MMP20: variants seen among roughly 807,000 people sequenced by gnomAD.
The protein encoded by MMP20 is matrix metallopeptidase 20, also known as matrix metalloproteinase-20.
Under a neutral mutation model 51.8 loss-of-function variants are expected in MMP20, and 50 were observed. The observed-to-expected ratio is 0.97, with a 90% confidence interval of 0.77 to 1.22. The LOEUF (loss-of-function observed/expected upper bound fraction) is 1.22. Among genes scored for constraint, MMP20 ranks in the 50% most tolerant of loss-of-function variants. The pLI is 0.00. For missense variants in MMP20, 663 were observed against 601.4 expected (o/e 1.10, Z -1.07); for synonymous variants, 244 against 216.2 (o/e 1.13, Z -1.13).
intron 2 of MMP20, among the ~76,000 whole-genome samples, chr11:102,612,179 T>C (rs1480838692): frequency 2.0e-5 from 3 of 152,152 alleles, no homozygotes; most frequent in Admixed American, 6.5e-5. Flanking sequence ...AGAATAAAAT[T>C]TGTGGCCGGG....
intron 6 of MMP20, among the ~76,000 whole-genome samples, chr11:102,598,084 A>T (rs1253424883): frequency 6.6e-6 from 1 of 152,208 alleles, no homozygotes; most frequent in Non-Finnish European, 1.5e-5. Flanking sequence ...ACAAATTTCA[A>T]AAAGAATCTG....
intron 8 of MMP20, among the ~76,000 whole-genome samples, chr11:102,588,246 C>T (rs1309387439): frequency 6.6e-6 from 1 of 151,938 alleles, no homozygotes; most frequent in African/African-American, 2.4e-5. Context: ...ATTTCTCTCC[C>T]CTTCCTTCTG....
intron 8 of MMP20, among the ~76,000 whole-genome samples, chr11:102,585,201 C>T (rs1006869303): frequency 6.6e-6 from 1 of 152,108 alleles, no homozygotes; most frequent in Non-Finnish European, 1.5e-5. Flanking sequence ...AATTTGGGGA[C>T]TACTATCATC....
chr11:102,610,421 G>T (rs1859583483), intron 3 of MMP20, among the ~76,000 whole-genome samples: 1 of 152,156 alleles, frequency 6.6e-6, no homozygotes, highest in Non-Finnish European at 1.5e-5. Context: ...TGATTGGAAT[G>T]TGAACCTGTT....
intron 8 of MMP20, among the ~76,000 whole-genome samples, chr11:102,586,742 G>A (rs764599261): frequency 2.7e-4 from 41 of 151,982 alleles, no homozygotes; most frequent in Admixed American, 2.0e-4. Context: ...GTGTGAACCC[G>A]GGAGGCGGAG....
chr11:102,601,131 T>G (rs370813783), intron 6 of MMP20, among the ~76,000 whole-genome samples: 41 of 21,354 alleles, frequency 1.9e-3, no homozygotes, highest in South Asian at 8.2e-3. Flanking sequence ...TATTCTTTTT[T>G]TTTTTTTTTT....
At chr11:102,605,825 T>C (rs1859507675) in intron 6 of MMP20, among the ~76,000 whole-genome samples, 1 of 152,216 alleles carries the variant, frequency 6.6e-6, no homozygotes, top group Non-Finnish European at 1.5e-5. Context: ...TGTTGCTATG[T>C]TTCTCTTTGC....
intron 6 of MMP20, among the ~76,000 whole-genome samples, chr11:102,600,685 C>T (rs1859434786): frequency 6.6e-6 from 1 of 152,098 alleles, no homozygotes; most frequent in Admixed American, 6.6e-5. Context: ...CAGGGTTTCA[C>T]CATGTTTCCC....
At position 102,621,852 on chromosome 11, in the gene MMP20, ATCAT is replaced by A. The variant is rs1859755053; in HGVS notation, c.126+3338_126+3341del. Among the ~76,000 whole-genome samples, 3 of 152,364 alleles carry A rather than the reference ATCAT, an allele frequency of 2.0e-5. No homozygotes were observed. The South Asian group carries it at 6.2e-4, about 32-fold the overall frequency. On this transcript the variant is annotated intron_variant, in intron 1 of 9. Transcript: ENST00000260228. ...ACAGTAACAATTTTAAAAAGTCTTTATCATAGAAAATAAAATGGTAGTAAAAACA... is the reference window on the plus strand; with the variant it reads ...ACAGTAACAATTTTAAAAAGTCTTTAAGAAAATAAAATGGTAGTAAAAACA...
At chr11:102,586,651 A>T (rs1859258043) in intron 8 of MMP20, among the ~76,000 whole-genome samples, 1 of 151,802 alleles carries the variant, frequency 6.6e-6, no homozygotes, top group Admixed American at 6.6e-5. Flanking sequence ...ATCTCTACTA[A>T]AAAATACAAA....
At chr11:102,584,921 C>T (rs1361489496) in intron 8 of MMP20, among the ~76,000 whole-genome samples, 1 of 152,128 alleles carries the variant, frequency 6.6e-6, no homozygotes, top group African/African-American at 2.4e-5. Context: ...TGTCAAAAAT[C>T]AGTTGCCCAT....
chr11:102,621,019 G>A (rs1859743704), intron 1 of MMP20, among the ~76,000 whole-genome samples: 1 of 152,200 alleles, frequency 6.6e-6, no homozygotes, highest in African/African-American at 2.4e-5. Flanking sequence ...ACATCTGCGT[G>A]GCTGGCCCAC....
At chr11:102,613,883 A>G (rs1361735353) in intron 2 of MMP20, among the ~76,000 whole-genome samples, 1 of 152,256 alleles carries the variant, frequency 6.6e-6, no homozygotes, top group East Asian at 1.9e-4. Context: ...TAGTACTTTG[A>G]CATGCCCTCG....
chr11:102,586,155 G>C (rs1261043990), intron 8 of MMP20, among the ~76,000 whole-genome samples: 1 of 152,116 alleles, frequency 6.6e-6, no homozygotes. Flanking sequence ...TTTTGGAAAA[G>C]TCTGTGAAAA....
intron 6 of MMP20, among the ~76,000 whole-genome samples, chr11:102,598,724 T>C (rs1859411696): frequency 6.6e-6 from 1 of 152,220 alleles, no homozygotes; most frequent in African/African-American, 2.4e-5. Flanking sequence ...CTTTTTATCC[T>C]TGGGCTTAGC....
In MMP20 at chr11:102,577,192, A is replaced by G; in HGVS notation, c.*134T>C. ...TATGAAAAAAATTGGAAGTATTATT[A>G]TTCTCAGTGAATTCTAATTTGATTT... is the stretch of plus-strand genomic sequence containing the variant. On this transcript the variant is annotated 3_prime_UTR_variant, in exon 10 of 10. Transcript: ENST00000260228. The G allele has an allele frequency of 3.0e-6, 2 of 675,904 alleles. No individual in the cohort carries two copies. The highest frequency in any genetic ancestry group is 5.3e-6 in the Non-Finnish European group (2 of 376,098). The allele number at this position is 675,904 out of a possible 1,614,324, so 41.9% of individuals were successfully genotyped here. A position where few individuals can be genotyped will look rare whatever the true frequency, so the allele number is the denominator to read the frequency against.
rs763054273 is a variant in MMP20 at position 102,577,432 on chromosome 11, A to G, written c.1352-6T>C. The stretch of plus-strand genomic sequence containing the variant: ...TGAAAAGAAGTAAATGTAGCCTAAA[A>G]GAGACAAAGTTGAAATTGGGTTACT... On this transcript the variant is annotated splice_polypyrimidine_tract_variant and splice_region_variant and intron_variant, in intron 9 of 9. Coordinates refer to ENST00000260228, the MANE Select transcript of MMP20 (RefSeq NM_004771.4). 4 of 1,601,390 alleles carry G rather than the reference A, an allele frequency of 2.5e-6. No individual in the cohort carries two copies. The highest frequency in any genetic ancestry group is 3.4e-6 in the Non-Finnish European group (4 of 1,168,434).
At chr11:102,582,789 G>GA (rs914804884) in intron 8 of MMP20, among the ~76,000 whole-genome samples, 12 of 152,030 alleles carry the variant, frequency 7.9e-5, no homozygotes, top group Admixed American at 6.6e-4. Flanking sequence ...AAAACTGCAG[G>GA]AAAAAAATAG....
chr11:102,610,567 T>C (rs1859585185), intron 3 of MMP20, among the ~76,000 whole-genome samples: 1 of 152,216 alleles, frequency 6.6e-6, no homozygotes, highest in Admixed American at 6.5e-5. Context: ...CATACTTTCA[T>C]GTGGAAAACA....
Sources: allele counts gnomAD v4.1 joint callset (sites outside exome capture counted in the v4.1 genomes callset), GRCh38; gene constraint gnomAD v4.1.1; transcripts MANE v1.5; gene names NCBI Gene and HGNC (gene_info 2026-07-23, HGNC 2026-07-21).